The following OTOF variants were observed in gnomAD, a reference collection of about 807,000 sequenced individuals.
The protein encoded by OTOF is fer-1-like family member 2.
A neutral mutation model predicts 236.8 loss-of-function variants in OTOF; 218 were observed. The observed-to-expected ratio is 0.92, with a 90% CI of 0.82 to 1.03. The LOEUF (loss-of-function observed/expected upper bound fraction) is 1.03, where lower values mean the gene tolerates loss of function less well. OTOF is among the 50% of genes least tolerant of loss of function. The probability of loss-of-function intolerance (pLI) is 0.00; values close to 1 mark genes in which losing one functional copy is unlikely to be tolerated. For missense variants in OTOF, 2,590 were observed against 2,694.4 expected (o/e 0.96, Z 0.86); for synonymous variants, 1,041 against 1,072.5 (o/e 0.97, Z 0.57).
At chr2:26,469,126 GTTGCTT>G (rs1664865110) in intron 32 of OTOF, among the ~76,000 whole-genome samples, 1 of 152,076 alleles carries the variant, frequency 6.6e-6, no homozygotes, top group Admixed American at 6.6e-5. Context: ...GCATTTTAAT[GTTGCTT>G]TTAGTGATAT....
chr2:26,501,193 G>A (rs1666108160), intron 8 of OTOF, among the ~76,000 whole-genome samples: 1 of 152,186 alleles, frequency 6.6e-6, no homozygotes, highest in Admixed American at 6.5e-5. Flanking sequence ...TCTTACAGCT[G>A]TCAACCTCTC....
In OTOF at chr2:26,485,657, G is replaced by A. The variant is rs77647749; in HGVS notation, c.1046-1024C>T. Among the ~76,000 whole-genome samples, 534 of 152,270 alleles carry A rather than the reference G, an allele frequency of 3.5e-3. 4 individuals are homozygous for A. Among genetic ancestry groups the A allele is most frequent in the African/African-American group, 0.012 (503 of 41,562 alleles). On this transcript the variant is annotated intron_variant, in intron 11 of 46. Coordinates refer to ENST00000272371, the MANE Select transcript of OTOF (RefSeq NM_194248.3). ...TGTTAGGTGGGCACTGAACTCTCAG[G>A]GACTCAGCACCTCCCTCCTTCACTC...
intron 1 of OTOF, among the ~76,000 whole-genome samples, chr2:26,546,160 G>C (rs1388023083): frequency 2.0e-5 from 3 of 152,158 alleles, no homozygotes; most frequent in Non-Finnish European, 4.4e-5. Flanking sequence ...TAGGAAAAAA[G>C]ATAAGGAAGA....
rs1174233504 is a variant in OTOF at position 26,474,326 on chromosome 2, C to T, written c.3288+187G>A. Among the ~76,000 whole-genome samples the T allele has an allele frequency of 2.6e-5, 3 of 114,636 alleles. No individual in the cohort carries two copies. The Admixed American group carries it at 2.8e-4, about 11-fold the overall frequency. 75.2% of individuals were successfully genotyped at this position (114,636 alleles called of 152,430 possible). A position where few individuals can be genotyped will look rare whatever the true frequency, so the allele number is the denominator to read the frequency against. On this transcript the variant is annotated intron_variant, in intron 26 of 46. Coordinates refer to ENST00000272371, the MANE Select transcript of OTOF (RefSeq NM_194248.3). ...CCAGGACCTAACGCCCAGGCCCTAA[C>T]CCCCCAGGCCCCAGGCCCCAGCCCT...
At chr2:26,514,602 G>C (rs1666474435) in intron 5 of OTOF, among the ~76,000 whole-genome samples, 1 of 152,200 alleles carries the variant, frequency 6.6e-6, no homozygotes, top group Non-Finnish European at 1.5e-5. Flanking sequence ...GTGACCCACA[G>C]GTCCGGAGCA....
Position 26,470,997 on chromosome 2 carries a change from G to A in OTOF, c.3894+124C>T. 7.8e-7 allele frequency: 1 copy of A among 1,284,296 alleles called. No homozygotes were observed. The highest frequency in any genetic ancestry group is 1.2e-5 in the South Asian group (1 of 83,264). 79.6% of individuals were successfully genotyped at this position (1,284,296 alleles called of 1,614,324 possible). On this transcript the variant is annotated intron_variant, in intron 31 of 46. Coordinates refer to ENST00000272371, the MANE Select transcript of OTOF (RefSeq NM_194248.3). This position sits in a 1 kb window ranked among gnomAD's most constrained non-coding sequence, Gnocchi z 4.3. ...TTTTCCACTGCATCTTAGGGGAGGT[G>A]TGCTGGCCCAAGCATGCGGGGGCTG...
At chr2:26,550,611 C>G (rs1341800757) in intron 1 of OTOF, among the ~76,000 whole-genome samples, 1 of 152,152 alleles carries the variant, frequency 6.6e-6, no homozygotes, top group African/African-American at 2.4e-5. Context: ...TCAACTAAGG[C>G]CCTGTACCCC....
chr2:26,542,571 C>T (rs1305155483), intron 1 of OTOF, among the ~76,000 whole-genome samples: 1 of 152,190 alleles, frequency 6.6e-6, no homozygotes, highest in African/African-American at 2.4e-5. Flanking sequence ...GCTAGAAGAC[C>T]AGAAGAAATC....
chr2:26,514,465 GC>G (rs1233334141), intron 5 of OTOF, among the ~76,000 whole-genome samples: 1 of 152,232 alleles, frequency 6.6e-6, no homozygotes, highest in Non-Finnish European at 1.5e-5. Flanking sequence ...GCTCTCCAGA[GC>G]CCCCATCAGC....
chr2:26,463,997 C>A lies in OTOF; in HGVS notation c.5070G>T (p.Pro1690=). 2 of 1,613,768 alleles carry A rather than the reference C, an allele frequency of 1.2e-6. No individual in the cohort carries two copies. Among genetic ancestry groups the A allele is most frequent in the Non-Finnish European group, 1.7e-6 (2 of 1,180,026 alleles). ...TGCCCGGCTTGTCGGGGTTGAGCAG[C>A]GGCCTCGTCTCCACATGCTCTGGCA... The part of the protein sequence containing the change: ...RLVPEHVETR[P]LLNPDKPGIE... Residue 1690 remains proline, a synonymous_variant, in exon 40 of 47, where the codon CCG becomes CCT. Coordinates refer to ENST00000272371, the MANE Select transcript of OTOF (RefSeq NM_194248.3).
chr2:26,522,546 A>G (rs1666702700), intron 3 of OTOF, among the ~76,000 whole-genome samples: 1 of 152,152 alleles, frequency 6.6e-6, no homozygotes, highest in Non-Finnish European at 1.5e-5. Flanking sequence ...GGCTGCACAC[A>G]TAGTAGGTTC....
chr2:26,536,586 T>A (rs1323848324), intron 2 of OTOF, among the ~76,000 whole-genome samples: 1 of 152,078 alleles, frequency 6.6e-6, no homozygotes, highest in Non-Finnish European at 1.5e-5. Flanking sequence ...GTGGCCTGGT[T>A]TCTGGAGGAG....
At chr2:26,554,615 G>A (rs1450571939) in intron 1 of OTOF, among the ~76,000 whole-genome samples, 2 of 148,918 alleles carry the variant, frequency 1.3e-5, no homozygotes, top group African/African-American at 5.2e-5. Flanking sequence ...GGCCTTGAAG[G>A]ATGAGCAGAA....
At chr2:26,544,929 T>C (rs1572495481) in intron 1 of OTOF, among the ~76,000 whole-genome samples, 1 of 151,502 alleles carries the variant, frequency 6.6e-6, no homozygotes, top group Non-Finnish European at 1.5e-5. Context: ...TAGTCCCAGC[T>C]ACTCGGGAGG....
chr2:26,495,996 T>C (rs1170411849), intron 8 of OTOF, among the ~76,000 whole-genome samples: 3 of 152,378 alleles, frequency 2.0e-5, no homozygotes, highest in South Asian at 2.1e-4. Context: ...TTTGTTTGTA[T>C]GGCCAGTGCG....
intron 39 of OTOF, 38 bp from the exon 40 acceptor site, chr2:26,464,144 G>A (rs755574154): frequency 3.7e-6 from 6 of 1,611,146 alleles, no homozygotes; most frequent in Admixed American, 1.7e-5. Context: ...ACATGGCTCA[G>A]CAGAACCAGA....
chr2:26,539,133 T>C (rs781174905), intron 1 of OTOF, among the ~76,000 whole-genome samples: 4 of 151,968 alleles, frequency 2.6e-5, no homozygotes, highest in Non-Finnish European at 5.9e-5. Context: ...CACCATTCAG[T>C]ACATACTCCA....
At chr2:26,472,206 T>G in intron 30 of OTOF, 1 of 423,574 alleles carries the variant, frequency 2.4e-6, no homozygotes, top group Non-Finnish European at 4.5e-6. Context: ...ACGATGCACA[T>G]ATGCACACCA....
chr2:26,519,788 A>C (rs1304567076), intron 3 of OTOF, among the ~76,000 whole-genome samples: 1 of 152,188 alleles, frequency 6.6e-6, no homozygotes, highest in Non-Finnish European at 1.5e-5. Context: ...TGAGCTGATA[A>C]GCCCTACTTC....
Sources: gnomAD v4.1 joint callset for allele counts (sites outside exome capture counted in the v4.1 genomes callset) on GRCh38, gnomAD v4.1.1 for gene constraint, Gnocchi (gnomAD v3.1) non-coding constraint, MANE v1.5 for transcripts, NCBI Gene and HGNC (gene_info 2026-07-23, HGNC 2026-07-21) for gene names.